ABCC5: variants seen among roughly 807,000 people sequenced by gnomAD.
ABCC5 encodes the protein ATP-binding cassette sub-family C member 5.
Under a neutral mutation model 160.9 loss-of-function variants are expected in ABCC5, and 61 were observed. The ratio of observed to expected loss-of-function variants is 0.38; its 90% CI spans 0.31 to 0.47. ABCC5 has a LOEUF of 0.47. ABCC5 is among the 20% of genes least tolerant of loss of function. The pLI, the probability that ABCC5 is intolerant of heterozygous loss-of-function variation, is 0.99. For synonymous variants in ABCC5, 666 were observed against 700.6 expected (o/e 0.95, Z 0.78); for missense variants, 1,308 against 1,813.3 (o/e 0.72, Z 5.06).
At chr3:183,936,926 TCCTTG>T (rs1226864539) in intron 26 of ABCC5, among the ~76,000 whole-genome samples, 7 of 152,260 alleles carry the variant, frequency 4.6e-5, no homozygotes, top group Non-Finnish European at 7.3e-5. Flanking sequence ...TGATGCTTTC[TCCTTG>T]GACTGTTTTA....
Position 183,963,293 on chromosome 3 carries a change from A to T in ABCC5, c.2235+92T>A. 2 of 1,333,470 alleles carry T rather than the reference A, an allele frequency of 1.5e-6. No homozygotes were observed. The highest frequency in any genetic ancestry group is 2.1e-6 in the Non-Finnish European group (2 of 931,478). 82.6% of individuals were successfully genotyped at this position (1,333,470 alleles called of 1,614,324 possible). Reference sequence around the variant, plus strand: ...TGAAACCTTGATTCCAGGAATTTCTAGTTATAACACAAGGATACCTGGAGC... The same window carrying T: ...TGAAACCTTGATTCCAGGAATTTCTTGTTATAACACAAGGATACCTGGAGC... On this transcript the variant is annotated intron_variant, in intron 15 of 29. Coordinates refer to ENST00000334444, the MANE Select transcript of ABCC5 (RefSeq NM_005688.4). The surrounding 1 kb of genome is among the most constrained non-coding windows in gnomAD (Gnocchi z 4.6).
chr3:183,992,231 G>A (rs528194946), intron 2 of ABCC5, among the ~76,000 whole-genome samples: 1 of 152,056 alleles, frequency 6.6e-6, no homozygotes, highest in African/African-American at 2.4e-5. Flanking sequence ...AACATCAAAC[G>A]GGCATGACAA....
At chr3:183,998,902 C>T (rs1038885108) in intron 2 of ABCC5, among the ~76,000 whole-genome samples, 2 of 151,956 alleles carry the variant, frequency 1.3e-5, no homozygotes, top group African/African-American at 4.8e-5. Flanking sequence ...CCAGCCTGGC[C>T]AATATGGTGC....
intron 27 of ABCC5, chr3:183,927,998 G>A (rs1712760906): frequency 5.6e-6 from 1 of 178,894 alleles, no homozygotes; most frequent in African/African-American, 2.4e-5. Flanking sequence ...TCAACCTGTA[G>A]ACTGCAGCTG....
In ABCC5 at chr3:183,963,598, C is replaced by G; in HGVS notation, c.2032-10G>C. 1 of 1,613,084 alleles carries G rather than the reference C, an allele frequency of 6.2e-7. No homozygotes were observed. Reference sequence around the variant, plus strand: ...CTCCTCGCTCTCCAATCTACAAGAGCCCAGAAGTGTGGTGAAGCCTCCAGC... The same window carrying G: ...CTCCTCGCTCTCCAATCTACAAGAGGCCAGAAGTGTGGTGAAGCCTCCAGC... On this transcript the variant is annotated splice_polypyrimidine_tract_variant and intron_variant, in intron 14 of 29. Coordinates refer to ENST00000334444, the MANE Select transcript of ABCC5 (RefSeq NM_005688.4). This position sits in a 1 kb window ranked among gnomAD's most constrained non-coding sequence, Gnocchi z 4.6.
At chr3:183,995,341 T>A (rs1720180885) in intron 2 of ABCC5, among the ~76,000 whole-genome samples, 1 of 152,216 alleles carries the variant, frequency 6.6e-6, no homozygotes, top group Admixed American at 6.5e-5. Context: ...TTTAGTGTCA[T>A]GCCTAAGAAC....
intron 5 of ABCC5, chr3:183,984,575 A>C: frequency 7.5e-7 from 1 of 1,338,388 alleles, no homozygotes; most frequent in South Asian, 1.7e-5. Context: ...GATCCCCACC[A>C]ATCAGATTTT....
At chr3:183,947,973 G>A (rs1182863382) in intron 22 of ABCC5, among the ~76,000 whole-genome samples, 2 of 152,190 alleles carry the variant, frequency 1.3e-5, no homozygotes, top group African/African-American at 2.4e-5. Flanking sequence ...TGCACATGCC[G>A]CCACCATGCA....
Position 183,953,202 on chromosome 3 carries a change from G to C in ABCC5, c.2551C>G (p.Gln851Glu). The C allele has an allele frequency of 6.2e-7, 1 of 1,614,150 alleles. No individual in the cohort carries two copies. Among genetic ancestry groups the C allele is most frequent in the Non-Finnish European group, 8.5e-7 (1 of 1,180,028 alleles). The change falls in exon 18 of 30, where the codon CAG (glutamine) becomes GAG (glutamate). Residue 851 changes from glutamine (Q) to glutamate (E), a missense_variant. Physicochemically the swap from Gln to Glu is conservative, Grantham distance 29. Around this residue, in one of 3 missense-constraint regions of ABCC5, gnomAD observed 1,142 missense variants for 1,527.1 expected, o/e 0.75. Coordinates refer to ENST00000334444, the MANE Select transcript of ABCC5 (RefSeq NM_005688.4). ...VPWSVYGVYIQAAGGPLAFLV... is the reference protein window; with the variant it reads ...VPWSVYGVYIEAAGGPLAFLV... The stretch of plus-strand genomic sequence containing the variant: ...AATGCCAAGGGGCCCCCAGCAGCCT[G>C]GATGTAGACACCATATACTGACCAG...
chr3:183,995,487 G>T (rs1219864351), intron 2 of ABCC5, among the ~76,000 whole-genome samples: 2 of 152,112 alleles, frequency 1.3e-5, no homozygotes, highest in Non-Finnish European at 2.9e-5. Context: ...TTCGGCAAAG[G>T]TTCACTTTTT....
At chr3:183,923,674 T>C (rs981900473) in intron 29 of ABCC5, among the ~76,000 whole-genome samples, 1 of 152,212 alleles carries the variant, frequency 6.6e-6, no homozygotes, top group African/African-American at 2.4e-5. Flanking sequence ...CCATCTATTA[T>C]ACCTTACTAG....
At chr3:183,960,681 T>G (rs1288963689) in intron 16 of ABCC5, among the ~76,000 whole-genome samples, 1 of 152,134 alleles carries the variant, frequency 6.6e-6, no homozygotes, top group African/African-American at 2.4e-5. Context: ...GCCCTACCCC[T>G]GAGAACTGCC....
chr3:183,957,937 C>T (rs1414433436), intron 17 of ABCC5, among the ~76,000 whole-genome samples: 4 of 150,138 alleles, frequency 2.7e-5, no homozygotes, highest in African/African-American at 7.4e-5. Flanking sequence ...CGGTTACATG[C>T]GGATCCGTGT....
chr3:183,961,786 A>AT (rs879227459), intron 15 of ABCC5, 132 bp from the exon 16 acceptor site: 22,420 of 906,776 alleles, frequency 0.025, no homozygotes, highest in South Asian at 0.029. Flanking sequence ...ATCTGGAGAC[A>AT]TTTTTTTTTT....
At chr3:183,945,064 T>G (rs529632653) in intron 24 of ABCC5, among the ~76,000 whole-genome samples, 18 of 152,302 alleles carry the variant, frequency 1.2e-4, no homozygotes, top group Admixed American at 7.2e-4. Context: ...GAAGATGTGC[T>G]TGTTTCCCCT....
chr3:183,926,309 TGA>T (rs2108757467), intron 28 of ABCC5, among the ~76,000 whole-genome samples: 1 of 151,650 alleles, frequency 6.6e-6, no homozygotes, highest in East Asian at 2.0e-4. Flanking sequence ...CCCAGCACTT[TGA>T]GAGGCCGAGG....
At chr3:184,000,425 G>T (rs1720655019) in intron 2 of ABCC5, among the ~76,000 whole-genome samples, 1 of 152,096 alleles carries the variant, frequency 6.6e-6, no homozygotes. Context: ...GACTTGTACT[G>T]AAAAAGTAAA....
At chr3:183,967,448 T>C in intron 12 of ABCC5, 1 of 469,022 alleles carries the variant, frequency 2.1e-6, no homozygotes, top group East Asian at 4.1e-5. Flanking sequence ...AAAGAAGGCA[T>C]GAGACCAAAT....
rs754827422 is a variant in ABCC5 at position 183,971,584 on chromosome 3, G to A, written c.1740C>T (p.Ser580=). 1 of 1,613,898 alleles carries A rather than the reference G, an allele frequency of 6.2e-7. No individual in the cohort carries two copies. The highest frequency in any genetic ancestry group is 1.1e-5 in the South Asian group (1 of 91,038). The stretch of plus-strand genomic sequence containing the variant: ...TTACCTCTTGGATCTCCAGATCGAT[G>A]CTGTGCAGTGTCCTCTGTAAGCGCA... ...GHLRLQRTLH[S]IDLEIQEGKL... is the part of the protein sequence containing the mutation. Residue 580 remains serine (S), a synonymous_variant, in exon 11 of 30, where the codon AGC becomes AGT. Transcript: ENST00000334444.
Sources: gnomAD v4.1 joint callset for allele counts (sites outside exome capture counted in the v4.1 genomes callset) on GRCh38, gnomAD v4.1.1 for gene constraint, gnomAD v4.1.1 regional missense constraint, Gnocchi (gnomAD v3.1) non-coding constraint, MANE v1.5 for transcripts, NCBI Gene and HGNC (gene_info 2026-07-23, HGNC 2026-07-21) for gene names.